HAUS4: variants seen among roughly 807,000 people sequenced by gnomAD.
HAUS4 encodes HAUS augmin like complex subunit 4, also known as HAUS augmin-like complex subunit 4.
Under a neutral mutation model 50.6 loss-of-function variants are expected in HAUS4, and 34 were observed. The observed-to-expected ratio is 0.67, with a 90% CI of 0.51 to 0.90. HAUS4 has a LOEUF of 0.90. Ranked by LOEUF, HAUS4 falls within the 40% of genes least tolerant of loss-of-function variation. The probability of loss-of-function intolerance (pLI) is 0.00; values close to 1 mark genes in which losing one functional copy is unlikely to be tolerated. For missense variants in HAUS4, 370 were observed against 428.7 expected (o/e 0.86, Z 1.21); for synonymous variants, 149 against 161.4 (o/e 0.92, Z 0.58).
rs183150620 is a variant in HAUS4, at chr14:22,953,643, C to T, written c.56-960G>A. Among the ~76,000 whole-genome samples the T allele has an allele frequency of 7.5e-5, 11 of 145,978 alleles. No homozygotes were observed. In the East Asian group the frequency reaches 1.4e-3, roughly 19 times the overall value. On this transcript the variant is annotated intron_variant, in intron 2 of 9. Coordinates refer to ENST00000541587, the MANE Select transcript of HAUS4 (RefSeq NM_001166269.2). ...TTTGTTTTTTGTTTTTTTTTTGAGA[C>T]GGAGTCTCACTCTGTCACCCAGGCT...
At chr14:22,951,005 TACTTTTCTTTTTTTGAGACAGGGTCTC>T (rs2044742109) in intron 5 of HAUS4, among the ~76,000 whole-genome samples, 1 of 152,136 alleles carries the variant, frequency 6.6e-6, no homozygotes, top group African/African-American at 2.4e-5. Context: ...AAATAGACTG[TACTTTTCTTTTTTTGAGACAGGGTCTC>T]ACTCTGTGCC....
chr14:22,946,824 C>G, intron 9 of HAUS4, 116 bp from the exon 10 acceptor site: 3 of 696,836 alleles, frequency 4.3e-6, no homozygotes, highest in South Asian at 2.1e-5. Flanking sequence ...CGCTCTGTCA[C>G]CTAGGCTGGA....
At chr14:22,947,271 G>A in intron 8 of HAUS4, 32 bp from the exon 9 acceptor site, 5 of 1,467,106 alleles carry the variant, frequency 3.4e-6, no homozygotes, top group Non-Finnish European at 4.8e-6. Flanking sequence ...TGTCAAGGCA[G>A]GAAGGTCCCT....
intron 4 of HAUS4, among the ~76,000 whole-genome samples, 177 bp from the exon 5 acceptor site, chr14:22,951,866 T>A (rs573882793): frequency 6.6e-6 from 1 of 152,324 alleles, no homozygotes; most frequent in East Asian, 1.9e-4. Flanking sequence ...CAAACTCTGA[T>A]AACACATCCA....
At chr14:22,954,279 C>A (rs554591588) in intron 2 of HAUS4, 1 of 152,296 alleles carries the variant, frequency 6.6e-6, no homozygotes, top group African/African-American at 2.4e-5. Context: ...TTCTTTGGAA[C>A]ATTATACCCA....
At chr14:22,948,457 G>GC (rs1313156328) in intron 6 of HAUS4, among the ~76,000 whole-genome samples, 14 of 142,620 alleles carry the variant, frequency 9.8e-5, no homozygotes, top group Non-Finnish European at 2.0e-4. Flanking sequence ...AAAAAAGCGG[G>GC]GGGGGGGAGG....
At chr14:22,948,070 A>C in intron 6 of HAUS4, 57 bp from the exon 7 acceptor site, 4 of 1,496,558 alleles carry the variant, frequency 2.7e-6, no homozygotes, top group Non-Finnish European at 3.6e-6. Flanking sequence ...ATCCCTGTAA[A>C]GCAACCTTCC....
chr14:22,951,620 T>C lies in HAUS4; in HGVS notation c.400A>G (p.Arg134Gly). 6.2e-7 allele frequency: 1 copy of C among 1,613,976 alleles called. No individual in the cohort carries two copies. Among genetic ancestry groups the C allele is most frequent in the Non-Finnish European group, 8.5e-7 (1 of 1,179,890 alleles). Residue 134 changes from arginine (R) to glycine (G), a missense_variant, in exon 5 of 10, where the codon AGG becomes GGG. Physicochemically the swap from Arg to Gly is moderately radical, Grantham distance 125. Coordinates refer to ENST00000541587, the MANE Select transcript of HAUS4 (RefSeq NM_001166269.2). ...AGCCCCAGCAGTGGAGGTATCTCCC[T>C]CTCCTGGCTAGGACCTAAGAGCCGC... ...LMRLLGPSQE[R>G]EIPPLLGLEK...
At chr14:22,948,826 C>T (rs937955636) in intron 6 of HAUS4, among the ~76,000 whole-genome samples, 3 of 152,126 alleles carry the variant, frequency 2.0e-5, no homozygotes, top group Admixed American at 6.5e-5. Context: ...TAAGCCACCG[C>T]GCCCGGCCCG....
intron 4 of HAUS4, 122 bp from the exon 5 acceptor site, chr14:22,951,811 C>A: frequency 1.2e-6 from 1 of 800,340 alleles, no homozygotes; most frequent in Non-Finnish European, 1.9e-6. Flanking sequence ...ATCATCCCCC[C>A]TCAGATAACT....
At chr14:22,948,186 C>T (rs970624430) in intron 6 of HAUS4, 173 bp from the exon 7 acceptor site, 8 of 653,824 alleles carry the variant, frequency 1.2e-5, no homozygotes, top group African/African-American at 7.3e-5. Context: ...TGGTGGCTTA[C>T]GCCTGCAATC....
At chr14:22,955,932 A>G (rs1373205793) in intron 1 of HAUS4, among the ~76,000 whole-genome samples, 1 of 152,180 alleles carries the variant, frequency 6.6e-6, no homozygotes, top group Non-Finnish European at 1.5e-5. Flanking sequence ...AAAGATGGGC[A>G]CAGTTTGACC....
At position 22,951,739 on chromosome 14, in the gene HAUS4, C is replaced by T. The variant is rs765356803; in HGVS notation, c.331-50G>A. ...AAAAGAGGCAACTATAAAACTTCTCCCACTCCACCTCTTCCATCCTTATGA... is the reference window on the plus strand; with the variant it reads ...AAAAGAGGCAACTATAAAACTTCTCTCACTCCACCTCTTCCATCCTTATGA... On this transcript the variant is annotated intron_variant, in intron 4 of 9. Transcript: ENST00000541587. The T allele has an allele frequency of 9.2e-6, 14 of 1,525,104 alleles. No individual in the cohort carries two copies. The African/African-American group carries it at 1.8e-4, about 20-fold the overall frequency. The allele number at this position is 1,525,104 out of a possible 1,614,324, so 94.5% of individuals were successfully genotyped here. A position where few individuals can be genotyped will look rare whatever the true frequency, so the allele number is the denominator to read the frequency against.
intron 5 of HAUS4, 93 bp from the exon 6 acceptor site, chr14:22,950,503 G>A (rs1338939482): frequency 1.0e-5 from 7 of 699,414 alleles, no homozygotes; most frequent in Non-Finnish European, 1.8e-5. Flanking sequence ...CTCAATAATA[G>A]CCAAAGAAAA....
chr14:22,950,266 A>G (rs2044729359), intron 6 of HAUS4, 48 bp downstream of exon 6: 1 of 1,024,480 alleles, frequency 9.8e-7, no homozygotes, highest in Admixed American at 1.8e-5. Flanking sequence ...AGAGCAGACC[A>G]GGAACCCTGA....
At chr14:22,955,769 T>C (rs2044851046) in intron 1 of HAUS4, among the ~76,000 whole-genome samples, 1 of 151,894 alleles carries the variant, frequency 6.6e-6, no homozygotes, top group Non-Finnish European at 1.5e-5. Flanking sequence ...AAAGAGCACC[T>C]GGAGGAAACA....
intron 2 of HAUS4, chr14:22,954,730 C>CTTT (rs551775168): frequency 2.5e-4 from 35 of 139,350 alleles, no homozygotes; most frequent in Admixed American, 2.0e-3. Context: ...CTTATAAATC[C>CTTT]TTTTTTTTTT....
At chr14:22,948,051 A>G in intron 6 of HAUS4, 38 bp from the exon 7 acceptor site, 1 of 1,551,488 alleles carries the variant, frequency 6.4e-7, no homozygotes, top group Admixed American at 2.0e-5. Flanking sequence ...GAAAACCCTA[A>G]TCGCTACAAT....
chr14:22,953,689 C>T (rs1379407283), intron 2 of HAUS4, among the ~76,000 whole-genome samples: 1 of 151,756 alleles, frequency 6.6e-6, no homozygotes, highest in African/African-American at 2.4e-5. Context: ...GGCACGATCT[C>T]GGCTCACTGC....
Sources: gnomAD v4.1 joint callset for allele counts (sites outside exome capture counted in the v4.1 genomes callset) on GRCh38, gnomAD v4.1.1 for gene constraint, MANE v1.5 for transcripts, NCBI Gene and HGNC (gene_info 2026-07-23, HGNC 2026-07-21) for gene names.